Variants in DISP1 observed in about 807,000 individuals in gnomAD.
DISP1 encodes dispatched RND transporter family member 1.
DISP1 carries 30 observed loss-of-function variants against 37.3 expected under a neutral mutation model. The observed-to-expected ratio is 0.80, with a 90% CI of 0.60 to 1.09. The LOEUF is 1.09. DISP1 is among the 50% of genes least tolerant of loss of function. DISP1 has a pLI of 0.00. For missense variants in DISP1, 1,598 were observed against 1,879.5 expected (o/e 0.85, Z 2.77); for synonymous variants, 634 against 690.2 (o/e 0.92, Z 1.28).
intron 3 of DISP1, 122 bp downstream of exon 3, chr1:222,943,454 C>T: frequency 7.3e-7 from 1 of 1,369,004 alleles, no homozygotes; most frequent in Non-Finnish European, 1.0e-6. Flanking sequence ...CATGAAAACG[C>T]ATATTCTGTG....
chr1:222,846,194 A>G (rs1271294356), intron 1 of DISP1, among the ~76,000 whole-genome samples: 2 of 152,156 alleles, frequency 1.3e-5, no homozygotes, highest in East Asian at 1.9e-4. Context: ...GGAGGTTGCA[A>G]TGAAAAGAGT....
At chr1:222,928,846 T>C (rs529120669) in intron 2 of DISP1, among the ~76,000 whole-genome samples, 9 of 152,302 alleles carry the variant, frequency 5.9e-5, no homozygotes, top group Non-Finnish European at 1.3e-4. Context: ...TTTGTGAAGT[T>C]GGAAGGAAAC....
At chr1:222,916,476 G>A (rs1313247352) in intron 1 of DISP1, among the ~76,000 whole-genome samples, 2 of 152,202 alleles carry the variant, frequency 1.3e-5, no homozygotes, top group African/African-American at 2.4e-5. Context: ...GTCTTGAAGA[G>A]CCTGACTGTG....
intron 1 of DISP1, among the ~76,000 whole-genome samples, chr1:222,840,355 C>T (rs1356367876): frequency 6.6e-6 from 1 of 151,960 alleles, no homozygotes; most frequent in Non-Finnish European, 1.5e-5. Flanking sequence ...AATTCTTGTG[C>T]CTTAGCCTCC....
In DISP1 at chr1:222,857,896, C is replaced by T. The variant is rs192021695; in HGVS notation, c.-159+42818C>T. ...ATTCAATGCTATTCCCATTAAACAA[C>T]CATTGATATTCTTCACAGAATTAGA... On this transcript the variant is annotated intron_variant, in intron 1 of 8. Transcript: ENST00000675850. Among the ~76,000 whole-genome samples the T allele has an allele frequency of 6.6e-5, 10 of 152,258 alleles. No individual in the cohort carries two copies. The East Asian group carries it at 1.9e-3, about 29-fold the overall frequency.
intron 1 of DISP1, among the ~76,000 whole-genome samples, chr1:222,912,994 A>G (rs1311611059): frequency 6.6e-6 from 1 of 152,212 alleles, no homozygotes; most frequent in Non-Finnish European, 1.5e-5. Flanking sequence ...CTCAACCTGC[A>G]TGACTAGATA....
chr1:222,878,306 A>G (rs1329565601), intron 1 of DISP1, among the ~76,000 whole-genome samples: 2 of 152,168 alleles, frequency 1.3e-5, no homozygotes, highest in African/African-American at 2.4e-5. Flanking sequence ...CTTTTTTGCC[A>G]ATAACTGTTC....
chr1:222,996,339 G>T (rs1679070620), intron 8 of DISP1, among the ~76,000 whole-genome samples: 1 of 152,140 alleles, frequency 6.6e-6, no homozygotes, highest in Admixed American at 6.6e-5. Context: ...ACTTTATGCT[G>T]GGTACTTGTA....
intron 1 of DISP1, among the ~76,000 whole-genome samples, chr1:222,888,199 T>C (rs889991153): frequency 2.0e-5 from 3 of 152,194 alleles, no homozygotes; most frequent in Non-Finnish European, 2.9e-5. Context: ...TTTCCTGAGC[T>C]CACTTCTAAG....
intron 7 of DISP1, 79 bp downstream of exon 7, chr1:222,992,189 A>T: frequency 1.7e-6 from 2 of 1,159,224 alleles, no homozygotes; most frequent in Non-Finnish European, 2.6e-6. Context: ...GTCTAGACTG[A>T]TAGCCGTGTG....
chr1:222,987,826 C>T (rs1678387566), intron 4 of DISP1, among the ~76,000 whole-genome samples: 1 of 152,036 alleles, frequency 6.6e-6, no homozygotes, highest in African/African-American at 2.4e-5. Flanking sequence ...TTGTATAAGC[C>T]TGGGGCCATT....
intron 3 of DISP1, among the ~76,000 whole-genome samples, chr1:222,981,199 G>T (rs1224334389): frequency 4.6e-5 from 7 of 152,300 alleles, no homozygotes; most frequent in Admixed American, 4.6e-4. Context: ...TGCCCTATGG[G>T]CTTTTCTTCC....
intron 8 of DISP1, among the ~76,000 whole-genome samples, chr1:223,000,277 A>G (rs17537624): frequency 0.5 from 75,359 of 151,978 alleles, 19,994 homozygotes; most frequent in Non-Finnish European, 0.6. Flanking sequence ...AGTGGTTTGT[A>G]TGTTACGTCT....
intron 5 of DISP1, 140 bp downstream of exon 5, chr1:222,990,888 A>G: frequency 8.3e-7 from 1 of 1,204,936 alleles, no homozygotes; most frequent in Non-Finnish European, 1.2e-6. Context: ...AAAAGTAAAG[A>G]CATGACTTTA....
At chr1:222,974,776 C>T (rs1192689761) in intron 3 of DISP1, among the ~76,000 whole-genome samples, 2 of 152,192 alleles carry the variant, frequency 1.3e-5, no homozygotes. Flanking sequence ...GTATCTGTTT[C>T]ATCTTCATGA....
At chr1:222,946,383 CAAAA>C (rs71178514) in intron 3 of DISP1, among the ~76,000 whole-genome samples, 4 of 85,450 alleles carry the variant, frequency 4.7e-5, no homozygotes, top group Non-Finnish European at 4.6e-5. Flanking sequence ...GACTCCATCT[CAAAA>C]AAAAAAAAAA....
intron 1 of DISP1, among the ~76,000 whole-genome samples, chr1:222,919,224 T>C (rs1672667822): frequency 6.6e-6 from 1 of 152,074 alleles, no homozygotes; most frequent in Non-Finnish European, 1.5e-5. Flanking sequence ...GTGATCAACT[T>C]AGTATACCAC....
intron 1 of DISP1, among the ~76,000 whole-genome samples, chr1:222,854,543 G>A (rs2125315212): frequency 6.6e-6 from 1 of 152,204 alleles, no homozygotes; most frequent in Non-Finnish European, 1.5e-5. Flanking sequence ...TGAGATTTGG[G>A]TGGGGACACA....
chr1:222,958,561 G>A (rs750962900), intron 3 of DISP1, among the ~76,000 whole-genome samples: 45 of 152,156 alleles, frequency 3.0e-4, no homozygotes, highest in South Asian at 2.1e-4. Flanking sequence ...ATAATCATCA[G>A]TGTCTAGATA....
Sources: allele counts gnomAD v4.1 joint callset (sites outside exome capture counted in the v4.1 genomes callset), GRCh38; gene constraint gnomAD v4.1.1; transcripts MANE v1.5; gene names NCBI Gene and HGNC (gene_info 2026-07-23, HGNC 2026-07-21).